Variants in MAGI2 observed in about 807,000 individuals in gnomAD.
The protein encoded by MAGI2 is membrane-associated guanylate kinase, WW and PDZ domain-containing protein 2.
In MAGI2, 35 loss-of-function variants were observed where a neutral mutation model predicts 133.3. The ratio of observed to expected loss-of-function variants is 0.26; its 90% confidence interval spans 0.20 to 0.35. MAGI2 has a LOEUF of 0.35. MAGI2 is among the 10% of genes least tolerant of loss of function. The pLI is 1.00. For missense variants in MAGI2, 1,636 were observed against 1,863.4 expected, an observed-to-expected ratio of 0.88 and a Z score of 2.25; for synonymous variants, 729 against 710.6, an observed-to-expected ratio of 1.03 and a Z score of -0.41.
At chr7:79,260,450 A>T (rs1834000264) in intron 1 of MAGI2, among the ~76,000 whole-genome samples, 1 of 152,208 alleles carries the variant, frequency 6.6e-6, no homozygotes, top group Non-Finnish European at 1.5e-5. Context: ...TATCTTCAAT[A>T]ATAAGTAGGT....
chr7:78,943,303 T>C (rs1183468345), intron 2 of MAGI2, among the ~76,000 whole-genome samples: 2 of 152,132 alleles, frequency 1.3e-5, no homozygotes, highest in Non-Finnish European at 2.9e-5. Context: ...AAATAGAACA[T>C]GTAACAGGAG....
intron 2 of MAGI2, among the ~76,000 whole-genome samples, chr7:78,673,961 A>C (rs573027035): frequency 6.6e-6 from 1 of 152,304 alleles, no homozygotes; most frequent in Admixed American, 6.5e-5. Flanking sequence ...GACATGATGT[A>C]GTTAATATTA....
At chr7:78,430,903 T>C (rs1283022200) in intron 6 of MAGI2, among the ~76,000 whole-genome samples, 3 of 152,136 alleles carry the variant, frequency 2.0e-5, no homozygotes, top group Non-Finnish European at 4.4e-5. Context: ...GGGTTACTAG[T>C]GAAAGCCAGA....
chr7:78,944,875 T>C (rs1382502673), intron 2 of MAGI2, among the ~76,000 whole-genome samples: 1 of 151,912 alleles, frequency 6.6e-6, no homozygotes, highest in African/African-American at 2.4e-5. Context: ...TAGATGGAAC[T>C]ACAGGTGCAC....
intron 6 of MAGI2, among the ~76,000 whole-genome samples, chr7:78,382,677 G>A (rs941810745): frequency 1.3e-5 from 2 of 151,922 alleles, no homozygotes; most frequent in African/African-American, 4.8e-5. Flanking sequence ...TACAGTCGCC[G>A]TACTCTATCG....
intron 1 of MAGI2, among the ~76,000 whole-genome samples, chr7:79,228,493 A>C (rs2129554013): frequency 6.6e-6 from 1 of 152,190 alleles, no homozygotes. Flanking sequence ...TACTAATTGT[A>C]AAATGTGTAA....
chr7:78,815,543 C>G (rs754071001), intron 2 of MAGI2, among the ~76,000 whole-genome samples: 9 of 151,828 alleles, frequency 5.9e-5, no homozygotes, highest in Non-Finnish European at 1.0e-4. Flanking sequence ...TTTGTGGCAA[C>G]TTTTCATGAA....
At chr7:78,297,641 A>G (rs1425921305) in intron 9 of MAGI2, among the ~76,000 whole-genome samples, 2 of 151,804 alleles carry the variant, frequency 1.3e-5, no homozygotes, top group Non-Finnish European at 2.9e-5. Context: ...ATGGAATACT[A>G]TGCAGCCATA....
chr7:78,212,260 T>C (rs908735375), intron 10 of MAGI2, among the ~76,000 whole-genome samples: 1 of 152,202 alleles, frequency 6.6e-6, no homozygotes, highest in African/African-American at 2.4e-5. Flanking sequence ...CCTCAAAACC[T>C]GCGTGTAGGC....
At chr7:78,221,046 C>T (rs886353819) in intron 10 of MAGI2, among the ~76,000 whole-genome samples, 1 of 152,180 alleles carries the variant, frequency 6.6e-6, no homozygotes, top group African/African-American at 2.4e-5. Context: ...GCTCACTATG[C>T]CATGTTGCCA....
At position 79,267,471 on chromosome 7, in the gene MAGI2, A is replaced by G. The variant is rs144239067; in HGVS notation, c.301+185549T>C. Reference sequence around the variant, plus strand: ...ACCTAAGTGGGCTGACTAGAAAGAGAGGTAGAACAGTGCCAGCGTGCTGGC... The same window carrying G: ...ACCTAAGTGGGCTGACTAGAAAGAGGGGTAGAACAGTGCCAGCGTGCTGGC... On this transcript the variant is annotated intron_variant, in intron 1 of 21. Transcript: ENST00000354212. Among the ~76,000 whole-genome samples, 65 of 152,254 alleles carry G rather than the reference A, an allele frequency of 4.3e-4. No individual in the cohort carries two copies. In the East Asian group the frequency reaches 0.012, roughly 28 times the overall value.
At chr7:79,030,129 C>A (rs1810422467) in intron 1 of MAGI2, 1 of 152,184 alleles carries the variant, frequency 6.6e-6, no homozygotes. Flanking sequence ...ACCTTATATG[C>A]AAAAGGCTGA....
chr7:78,884,969 C>T lies in MAGI2; in HGVS notation c.418+122121G>A, dbSNP rs983765277. Among the ~76,000 whole-genome samples the T allele has an allele frequency of 8.7e-4, 132 of 152,158 alleles. 1 individual carries two copies. Among genetic ancestry groups the T allele is most frequent in the African/African-American group, 3.1e-3 (130 of 41,440 alleles). On this transcript the variant is annotated intron_variant, in intron 2 of 21. Transcript: ENST00000354212. The stretch of plus-strand genomic sequence containing the variant: ...ATAAAGAAAATGTGGCAACAATATG[C>T]AGCCAAAACAATAGCTCAAAATCAG...
intron 2 of MAGI2, among the ~76,000 whole-genome samples, chr7:78,763,912 T>A (rs1824760179): frequency 6.6e-6 from 1 of 152,188 alleles, no homozygotes; most frequent in Non-Finnish European, 1.5e-5. Context: ...CAGCTTGATA[T>A]TTTCCAGCTT....
intron 1 of MAGI2, among the ~76,000 whole-genome samples, chr7:79,198,809 A>ACC (rs1175751494): frequency 1.3e-5 from 2 of 151,840 alleles, no homozygotes; most frequent in African/African-American, 4.9e-5. Context: ...AATCGCTTGA[A>ACC]CCCAAGAGGC....
At chr7:78,780,080 C>T (rs991943960) in intron 2 of MAGI2, among the ~76,000 whole-genome samples, 6 of 152,146 alleles carry the variant, frequency 3.9e-5, no homozygotes, top group Admixed American at 6.6e-5. Context: ...GTGAACAGTC[C>T]GCAACAGTCA....
At chr7:78,715,547 A>G (rs1204756034) in intron 2 of MAGI2, among the ~76,000 whole-genome samples, 1 of 152,210 alleles carries the variant, frequency 6.6e-6, no homozygotes, top group Non-Finnish European at 1.5e-5. Flanking sequence ...CAATTTAAAT[A>G]AACTTTAACT....
At chr7:78,244,525 A>C (rs1224094484) in intron 10 of MAGI2, among the ~76,000 whole-genome samples, 1 of 152,204 alleles carries the variant, frequency 6.6e-6, no homozygotes, top group Admixed American at 6.5e-5. Flanking sequence ...ATAACTTTGA[A>C]GATAATTAAA....
chr7:78,817,482 C>T (rs930568550), intron 2 of MAGI2, among the ~76,000 whole-genome samples: 8 of 152,116 alleles, frequency 5.3e-5, no homozygotes, highest in African/African-American at 1.9e-4. Context: ...TGGCAAACTT[C>T]GTCATTTTCT....
Sources: allele counts gnomAD v4.1 joint callset (sites outside exome capture counted in the v4.1 genomes callset), GRCh38; gene constraint gnomAD v4.1.1; transcripts MANE v1.5; gene names NCBI Gene and HGNC (gene_info 2026-07-23, HGNC 2026-07-21).